The following LIPK variants were observed in gnomAD, a reference collection of about 807,000 sequenced individuals.
The protein encoded by LIPK is lipase family member K, also known as lipase member K.
In LIPK, 32 loss-of-function variants were observed where a neutral mutation model predicts 48.6. That is an observed-to-expected ratio of 0.66 (90% CI 0.50 to 0.88). LIPK has a LOEUF of 0.88. Ranked by LOEUF, LIPK falls within the 40% of genes least tolerant of loss-of-function variation. The pLI is 0.00. For missense variants in LIPK, 507 were observed against 478.5 expected (o/e 1.06, Z -0.56); for synonymous variants, 164 against 157.4 (o/e 1.04, Z -0.32).
At chr10:88,750,818 G>GA (rs1040321400) in intron 9 of LIPK, among the ~76,000 whole-genome samples, 3 of 151,894 alleles carry the variant, frequency 2.0e-5, no homozygotes, top group Non-Finnish European at 2.9e-5. Context: ...GTTGGAAGGG[G>GA]AAAAAAATCA....
At chr10:88,724,439 C>T (rs935382880) in intron 1 of LIPK, 94 bp from the exon 2 acceptor site, 10 of 704,770 alleles carry the variant, frequency 1.4e-5, no homozygotes, top group African/African-American at 9.1e-5. Flanking sequence ...TATGTTTCTG[C>T]TCTCTCTCAT....
At chr10:88,726,394 T>A (rs1842338598) in intron 2 of LIPK, among the ~76,000 whole-genome samples, 1 of 152,198 alleles carries the variant, frequency 6.6e-6, no homozygotes, top group African/African-American at 2.4e-5. Context: ...CAATTTAAAG[T>A]ACTACATTGT....
In LIPK at chr10:88,726,762, C is replaced by T. The variant is rs1208361754; in HGVS notation, c.106-33C>T. On this transcript the variant is annotated intron_variant, in intron 2 of 9. Transcript: ENST00000404190. ...ATGTGTAAAAATTAAGAGATTATAA[C>T]ATGAAGGTATATATTTCCTTTCCTC... 5 of 981,780 alleles carry T rather than the reference C, an allele frequency of 5.1e-6. No individual in the cohort carries two copies. The East Asian group carries it at 9.8e-5, about 19-fold the overall frequency. The allele number at this position is 981,780 out of a possible 1,614,324, so 60.8% of individuals were successfully genotyped here.
chr10:88,736,826 A>G (rs72822189), intron 6 of LIPK, among the ~76,000 whole-genome samples: 7,694 of 152,302 alleles, frequency 0.051, 227 homozygotes, highest in African/African-American at 0.068. Flanking sequence ...AAATGAATAA[A>G]TGCTAGTTAT....
rs112573342 is a variant in LIPK, at chr10:88,726,556, T to C, written c.106-239T>C. Among the ~76,000 whole-genome samples the C allele has an allele frequency of 7.1e-3, 1,080 of 152,154 alleles. 7 individuals are homozygous for C. Among genetic ancestry groups the C allele is most frequent in the Middle Eastern group, 0.024 (7 of 294 alleles). Reference sequence around the variant, plus strand: ...AACATACAAAAAATGTAGCTGGCCATTGGGACAGGTGCCTTTAGTTCCAGC... The same window carrying C: ...AACATACAAAAAATGTAGCTGGCCACTGGGACAGGTGCCTTTAGTTCCAGC... On this transcript the variant is annotated intron_variant, in intron 2 of 9. Coordinates refer to ENST00000404190, the MANE Select transcript of LIPK (RefSeq NM_001080518.2).
At chr10:88,734,784 G>T (rs145057346) in intron 6 of LIPK, among the ~76,000 whole-genome samples, 1 of 152,284 alleles carries the variant, frequency 6.6e-6, no homozygotes, top group East Asian at 1.9e-4. Flanking sequence ...AACAAGAGTT[G>T]TGCAACAAAA....
At chr10:88,748,258 C>A (rs147114942) in intron 9 of LIPK, among the ~76,000 whole-genome samples, 15 of 152,130 alleles carry the variant, frequency 9.9e-5, no homozygotes, top group African/African-American at 3.1e-4. Context: ...ACAGCCGGGC[C>A]TGTGTGTGAG....
chr10:88,743,387 A>G, intron 9 of LIPK, 66 bp downstream of exon 9: 5 of 1,148,882 alleles, frequency 4.4e-6, no homozygotes, highest in Non-Finnish European at 6.4e-6. Context: ...GTGTCTACTC[A>G]TGAAGCACCT....
rs117313834 is a variant in LIPK, at chr10:88,735,272, T to C, written c.670-2363T>C. ...CTCCCATTTTGCCCCTGGACATTTA[T>C]GCGTTTGTGTTCTTGTCATTCTACT... On this transcript the variant is annotated intron_variant, in intron 6 of 9. Coordinates refer to ENST00000404190, the MANE Select transcript of LIPK (RefSeq NM_001080518.2). Among the ~76,000 whole-genome samples, 214 of 152,346 alleles carry C rather than the reference T, an allele frequency of 1.4e-3. 5 individuals carry two copies. The East Asian group carries it at 0.035, about 25-fold the overall frequency.
At chr10:88,716,936 G>C (rs1367998154) in intron 1 of LIPK, among the ~76,000 whole-genome samples, 2 of 152,098 alleles carry the variant, frequency 1.3e-5, no homozygotes, top group African/African-American at 2.4e-5. Flanking sequence ...GAGAGAATGA[G>C]TTTGGGGAGA....
chr10:88,743,989 G>C (rs1298633463), intron 9 of LIPK, among the ~76,000 whole-genome samples: 1 of 152,210 alleles, frequency 6.6e-6, no homozygotes, highest in Non-Finnish European at 1.5e-5. Flanking sequence ...TGCAGGAACG[G>C]TTGCAGTGAA....
chr10:88,743,298 C>G lies in LIPK; in HGVS notation c.937C>G (p.Gln313Glu). Residue 313 changes from glutamine (Q) to glutamate (E), a missense_variant, in exon 9 of 10, where the codon CAG becomes GAG. Physicochemically the swap from Gln to Glu is conservative, Grantham distance 29. Coordinates refer to ENST00000404190, the MANE Select transcript of LIPK (RefSeq NM_001080518.2). ...LQAFDWGNSD[Q>E]NMMHFHQLTP... ...AGCTTTTGATTGGGGAAACTCTGAT[C>G]AGAACATGATGCACTTCCATCAGGT... The G allele has an allele frequency of 6.3e-7, 1 of 1,593,108 alleles. No homozygotes were observed.
chr10:88,710,176 C>G (rs1316886169), intron 1 of LIPK, among the ~76,000 whole-genome samples: 1 of 151,824 alleles, frequency 6.6e-6, no homozygotes, highest in African/African-American at 2.4e-5. Flanking sequence ...TAATTGAAAA[C>G]ATGTTTTTAA....
At position 88,737,705 on chromosome 10, in the gene LIPK, A is replaced by G. The variant is rs750829529; in HGVS notation, c.740A>G (p.Asn247Ser). ...FDQFIATKVC[N>S]RKLFRRICSN... ...CAATTCATTGCCACCAAAGTGTGCAATCGAAAGCTATTCCGTCGTATTTGC... is the reference window on the plus strand; with the variant it reads ...CAATTCATTGCCACCAAAGTGTGCAGTCGAAAGCTATTCCGTCGTATTTGC... Residue 247 changes from asparagine to serine, a missense_variant, in exon 7 of 10, where the codon AAT becomes AGT. Asn to Ser is a conservative substitution (Grantham distance 46). Coordinates refer to ENST00000404190, the MANE Select transcript of LIPK (RefSeq NM_001080518.2). 10 of 1,613,770 alleles carry G rather than the reference A, an allele frequency of 6.2e-6. No homozygotes were observed. The highest frequency in any genetic ancestry group is 2.7e-5 in the African/African-American group (2 of 74,938).
At chr10:88,707,383 A>G (rs1841955178) in intron 1 of LIPK, among the ~76,000 whole-genome samples, 2 of 151,966 alleles carry the variant, frequency 1.3e-5, no homozygotes, top group South Asian at 4.2e-4. Flanking sequence ...GGGAAAAATT[A>G]TTTCCTTCAC....
Position 88,721,218 on chromosome 10 carries a change from A to G in LIPK, c.-11-3315A>G, listed in dbSNP as rs375694444. ...GGATATATGAACCAGCAGAATGTCG[A>G]TGTGGGACACATGAGAAGGCAATAT... On this transcript the variant is annotated intron_variant, in intron 1 of 9. Transcript: ENST00000404190. Among the ~76,000 whole-genome samples the G allele has an allele frequency of 1.5e-4, 23 of 152,316 alleles. No individual in the cohort carries two copies. The South Asian group carries it at 4.8e-3, about 32-fold the overall frequency.
chr10:88,715,745 CTCTT>C (rs974032382), intron 1 of LIPK, among the ~76,000 whole-genome samples: 66 of 150,668 alleles, frequency 4.4e-4, no homozygotes, highest in Middle Eastern at 3.4e-3. Flanking sequence ...CTTTCTGTTT[CTCTT>C]TCTTTCTTTC....
In LIPK at chr10:88,737,766, G is replaced by T; in HGVS notation, c.801G>T (p.Pro267=). ...NFLFTLSGFD[P]QNLNMSRLDV... The stretch of plus-strand genomic sequence containing the variant: ...TATTTACTCTGAGTGGATTTGATCC[G>T]CAAAACTTAAATATGGTAGGTGTAA... Residue 267 remains proline, a synonymous_variant, in exon 7 of 10, where the codon CCG becomes CCT. Transcript: ENST00000404190. 6.2e-7 allele frequency: 1 copy of T among 1,613,620 alleles called. No homozygotes were observed. Among genetic ancestry groups the T allele is most frequent in the Non-Finnish European group, 8.5e-7 (1 of 1,179,696 alleles).
Position 88,731,200 on chromosome 10 carries a change from A to G in LIPK, c.422+19A>G. 2 of 1,489,320 alleles carry G rather than the reference A, an allele frequency of 1.3e-6. No homozygotes were observed. The highest frequency in any genetic ancestry group is 1.4e-5 in the African/African-American group (1 of 70,432). 92.3% of individuals were successfully genotyped at this position (1,489,320 alleles called of 1,614,324 possible). ...CCTTCAGGTAAAGAGAAACCTATTA[A>G]TGAATAAAATGTGTACTTTCCTCAT... On this transcript the variant is annotated intron_variant, in intron 4 of 9. Transcript: ENST00000404190.
Sources: gnomAD v4.1 joint callset for allele counts (sites outside exome capture counted in the v4.1 genomes callset) on GRCh38, gnomAD v4.1.1 for gene constraint, MANE v1.5 for transcripts, NCBI Gene and HGNC (gene_info 2026-07-23, HGNC 2026-07-21) for gene names.